The following TMEM132D variants were observed in gnomAD, a reference collection of about 807,000 sequenced individuals.
The protein encoded by TMEM132D is mature OL transmembrane protein.
Under a neutral mutation model 62.3 loss-of-function variants are expected in TMEM132D, and 21 were observed. That is an observed-to-expected ratio of 0.34 (90% CI 0.24 to 0.49). The LOEUF is 0.49. TMEM132D is among the 20% of genes least tolerant of loss of function. The pLI is 0.99. For synonymous variants in TMEM132D, 621 were observed against 575.6 expected (o/e 1.08, Z -1.13); for missense variants, 1,346 against 1,402.8 (o/e 0.96, Z 0.65).
At chr12:129,721,199 T>C (rs1796820789) in intron 1 of TMEM132D, among the ~76,000 whole-genome samples, 1 of 152,122 alleles carries the variant, frequency 6.6e-6, no homozygotes, top group Admixed American at 6.5e-5. Context: ...TCATCCTACT[T>C]GTACCGTTAC....
At chr12:129,647,118 A>G (rs1565935334) in intron 2 of TMEM132D, among the ~76,000 whole-genome samples, 1 of 24,498 alleles carries the variant, frequency 4.1e-5, no homozygotes, top group African/African-American at 6.3e-5. Flanking sequence ...TTATACATAC[A>G]TACATATATA....
At chr12:129,083,699 T>G (rs972105328) in intron 6 of TMEM132D, among the ~76,000 whole-genome samples, 2 of 152,184 alleles carry the variant, frequency 1.3e-5, no homozygotes, top group Non-Finnish European at 2.9e-5. Flanking sequence ...GTACACAGAT[T>G]CCAGGAATAT....
At chr12:129,889,151 G>A (rs79164489) in intron 1 of TMEM132D, among the ~76,000 whole-genome samples, 6,793 of 152,268 alleles carry the variant, frequency 0.045, 536 homozygotes, top group African/African-American at 0.15. Context: ...GGTCCGTAGA[G>A]CCTCACTTGA....
intron 3 of TMEM132D, among the ~76,000 whole-genome samples, chr12:129,432,295 ATGGATGGATGGATGGATGGATGCTTGG>A (rs1872683188): frequency 2.8e-5 from 1 of 35,378 alleles, no homozygotes; most frequent in Non-Finnish European, 5.3e-5. Flanking sequence ...GGATGCTTGG[ATGGATGGATGGATGGATGGATGCTTGG>A]ATGGATGGAT....
chr12:129,770,040 G>C (rs1045810069), intron 1 of TMEM132D, among the ~76,000 whole-genome samples: 1 of 151,464 alleles, frequency 6.6e-6, no homozygotes. Flanking sequence ...AGCTGGTCTC[G>C]AACTCCTGGG....
In TMEM132D at chr12:129,086,201, C is replaced by CGCGTGTGT. The variant is rs1349816832; in HGVS notation, c.1444-1500_1444-1499insACACACGC. On this transcript the variant is annotated intron_variant, in intron 5 of 8. Transcript: ENST00000422113. Reference sequence around the variant, plus strand: ...ATCACCTCACATAGTCACGCGCGCGCGTGTGTGTGTGTGTGTGTGTGTGTG... The same window carrying CGCGTGTGT: ...ATCACCTCACATAGTCACGCGCGCGCGCGTGTGTGTGTGTGTGTGTGTGTGTGTGTGTG... Among the ~76,000 whole-genome samples the CGCGTGTGT allele has an allele frequency of 2.6e-3, 372 of 141,132 alleles. 2 individuals carry two copies. The highest frequency in any genetic ancestry group is 4.6e-3 in the Non-Finnish European group (294 of 64,576). 92.6% of individuals were successfully genotyped at this position (141,132 alleles called of 152,430 possible). A position where few individuals can be genotyped will look rare whatever the true frequency, so the allele number is the denominator to read the frequency against.
At chr12:129,819,598 GC>G (rs1285509250) in intron 1 of TMEM132D, among the ~76,000 whole-genome samples, 1 of 151,972 alleles carries the variant, frequency 6.6e-6, no homozygotes, top group East Asian at 1.9e-4. Flanking sequence ...TCACACTTTT[GC>G]CTCTTCATGC....
chr12:129,397,250 T>C (rs1246030176), intron 3 of TMEM132D, among the ~76,000 whole-genome samples: 1 of 152,210 alleles, frequency 6.6e-6, no homozygotes, highest in Non-Finnish European at 1.5e-5. Flanking sequence ...CTTTTGTAAA[T>C]TCTTCTTTGC....
chr12:129,897,596 C>T (rs1875187532), intron 1 of TMEM132D, among the ~76,000 whole-genome samples: 1 of 152,114 alleles, frequency 6.6e-6, no homozygotes, highest in African/African-American at 2.4e-5. Context: ...AGAAGCTGAC[C>T]TAGGAGATAA....
chr12:129,525,780 C>T (rs896427839), intron 3 of TMEM132D, among the ~76,000 whole-genome samples: 8 of 152,208 alleles, frequency 5.3e-5, no homozygotes, highest in African/African-American at 1.9e-4. Flanking sequence ...TTTTCTGGAT[C>T]TCACATTTAT....
chr12:129,591,805 G>C (rs574279080), intron 2 of TMEM132D, among the ~76,000 whole-genome samples: 4 of 152,130 alleles, frequency 2.6e-5, no homozygotes, highest in Admixed American at 6.5e-5. Flanking sequence ...GAAGAATTTT[G>C]AGTTTGAGAG....
chr12:129,463,866 G>A (rs1404869541), intron 3 of TMEM132D, among the ~76,000 whole-genome samples: 1 of 151,268 alleles, frequency 6.6e-6, no homozygotes, highest in Non-Finnish European at 1.5e-5. Flanking sequence ...TCTTAATCCA[G>A]TCTATCATTG....
At chr12:129,623,019 C>T (rs937112733) in intron 2 of TMEM132D, among the ~76,000 whole-genome samples, 1 of 152,026 alleles carries the variant, frequency 6.6e-6, no homozygotes, top group Admixed American at 6.6e-5. Flanking sequence ...ATGGGAATAA[C>T]ACATAGAGGA....
At chr12:129,224,233 C>T (rs1163421265) in intron 4 of TMEM132D, among the ~76,000 whole-genome samples, 4 of 152,082 alleles carry the variant, frequency 2.6e-5, no homozygotes, top group Non-Finnish European at 5.9e-5. Flanking sequence ...TTACTTTGTT[C>T]ATAATCTTAG....
chr12:129,720,339 C>A (rs1297253166), intron 1 of TMEM132D, among the ~76,000 whole-genome samples: 1 of 152,154 alleles, frequency 6.6e-6, no homozygotes, highest in Non-Finnish European at 1.5e-5. Context: ...CTGACTGATT[C>A]CTAAATATTC....
chr12:129,660,453 G>A (rs1197388704), intron 2 of TMEM132D, among the ~76,000 whole-genome samples: 4 of 152,032 alleles, frequency 2.6e-5, no homozygotes, highest in Admixed American at 1.3e-4. Context: ...AATCAGCTGT[G>A]GCCACCTGAC....
intron 4 of TMEM132D, among the ~76,000 whole-genome samples, chr12:129,305,780 C>T (rs898750060): frequency 1.9e-4 from 29 of 152,160 alleles, no homozygotes; most frequent in African/African-American, 7.0e-4. Flanking sequence ...ATGGACATTA[C>T]AAGGTCCGGT....
chr12:129,249,603 G>A (rs890450998), intron 4 of TMEM132D, among the ~76,000 whole-genome samples: 8 of 152,158 alleles, frequency 5.3e-5, no homozygotes, highest in Non-Finnish European at 8.8e-5. Context: ...TCCCTACTAA[G>A]TGCCAGTCTT....
chr12:129,561,337 C>T (rs1206328531), intron 2 of TMEM132D, among the ~76,000 whole-genome samples: 1 of 152,212 alleles, frequency 6.6e-6, no homozygotes, highest in East Asian at 1.9e-4. Flanking sequence ...TTTGAATCCT[C>T]CCTGACAGCA....
Sources: gnomAD v4.1 joint callset for allele counts (sites outside exome capture counted in the v4.1 genomes callset) on GRCh38, gnomAD v4.1.1 for gene constraint, MANE v1.5 for transcripts, NCBI Gene and HGNC (gene_info 2026-07-23, HGNC 2026-07-21) for gene names.